Variants in KCNQ1 observed in about 807,000 individuals in gnomAD.
KCNQ1 encodes potassium voltage-gated channel subfamily KQT member 1.
KCNQ1 carries 49 observed loss-of-function variants against 72.4 expected under a neutral mutation model. That is an observed-to-expected ratio of 0.68 (90% CI 0.54 to 0.86). The LOEUF (loss-of-function observed/expected upper bound fraction) is 0.86, where lower values mean the gene tolerates loss of function less well. KCNQ1 is among the 40% of genes least tolerant of loss of function. The pLI is 0.00. For synonymous variants in KCNQ1, 450 were observed against 412.6 expected, an observed-to-expected ratio of 1.09 and a Z score of -1.10; for missense variants, 790 against 945.1, an observed-to-expected ratio of 0.84 and a Z score of 2.15.
Position 2,653,175 on chromosome 11 carries a change from T to C in KCNQ1, c.1394-8786T>C, listed in dbSNP as rs948917321. Reference sequence around the variant, plus strand: ...AATGTCCCACCTTAGGAAATCCCTTTCCAAGAGTTCCCTGTGCTGTTGCAG... The same window carrying C: ...AATGTCCCACCTTAGGAAATCCCTTCCCAAGAGTTCCCTGTGCTGTTGCAG... On this transcript the variant is annotated intron_variant, in intron 10 of 15. Transcript: ENST00000155840. The surrounding 1 kb of genome is among the most constrained non-coding windows in gnomAD (Gnocchi z 5.3). The C allele has an allele frequency of 2.8e-5, 11 of 398,608 alleles. No homozygotes were observed. The highest frequency in any genetic ancestry group is 4.4e-5 in the Non-Finnish European group (10 of 226,116). 24.7% of individuals were successfully genotyped at this position (398,608 alleles called of 1,614,324 possible). A position where few individuals can be genotyped will look rare whatever the true frequency, so the allele number is the denominator to read the frequency against.
Position 2,562,990 on chromosome 11 carries a change from C to T in KCNQ1, c.478-7638C>T, listed in dbSNP as rs544578622. Among the ~76,000 whole-genome samples the T allele has an allele frequency of 4.4e-4, 67 of 152,202 alleles. No individual in the cohort carries two copies. Among genetic ancestry groups the T allele is most frequent in the East Asian group, 1.3e-3 (7 of 5,186 alleles). On this transcript the variant is annotated intron_variant, in intron 2 of 15. Coordinates refer to ENST00000155840, the MANE Select transcript of KCNQ1 (RefSeq NM_000218.3). The surrounding 1 kb of genome is among the most constrained non-coding windows in gnomAD (Gnocchi z 7.5). The stretch of plus-strand genomic sequence containing the variant: ...CTAAAGTCCTCGCGATAAGGGTCTG[C>T]GAGGCTTCCTTTATGTTTTGCAAAA...
chr11:2,698,698 C>T lies in KCNQ1; in HGVS notation c.1514+36617C>T, dbSNP rs1366232018. ...TTCAGAACCTCTACCCAAAGACAGA[C>T]TCCAGACCCTGACTCCAGTCGCCAA... On this transcript the variant is annotated intron_variant, in intron 11 of 15. Transcript: ENST00000155840. The surrounding 1 kb of genome is among the most constrained non-coding windows in gnomAD (Gnocchi z 5.1). The T allele has an allele frequency of 2.5e-6, 1 of 398,914 alleles. No individual in the cohort carries two copies. Among genetic ancestry groups the T allele is most frequent in the Non-Finnish European group, 4.4e-6 (1 of 226,254 alleles). 24.7% of individuals were successfully genotyped at this position (398,914 alleles called of 1,614,324 possible). A position where few individuals can be genotyped will look rare whatever the true frequency, so the allele number is the denominator to read the frequency against.
intron 11 of KCNQ1, chr11:2,689,877 C>T: frequency 5.0e-6 from 2 of 398,816 alleles, no homozygotes; most frequent in Non-Finnish European, 8.8e-6. Context: ...GCCTATCCAG[C>T]CCCATCCCTG....
chr11:2,576,641 A>T (rs1848427333), intron 6 of KCNQ1, among the ~76,000 whole-genome samples: 2 of 152,136 alleles, frequency 1.3e-5, no homozygotes, highest in South Asian at 4.1e-4. Flanking sequence ...CTCTCTCCTC[A>T]CCTGGAGCCT....
intron 15 of KCNQ1, among the ~76,000 whole-genome samples, chr11:2,834,307 G>A (rs1848017677): frequency 6.6e-6 from 1 of 152,174 alleles, no homozygotes; most frequent in African/African-American, 2.4e-5. Context: ...ATCATGGAGG[G>A]CGCCCAGGTG....
intron 11 of KCNQ1, among the ~76,000 whole-genome samples, chr11:2,709,689 C>T (rs1850973760): frequency 6.6e-6 from 1 of 152,090 alleles, no homozygotes; most frequent in South Asian, 2.1e-4. Context: ...CTTTCTATCT[C>T]CACGGGTTTG....
chr11:2,814,578 T>C (rs890889669), intron 15 of KCNQ1, among the ~76,000 whole-genome samples: 5 of 149,428 alleles, frequency 3.3e-5, no homozygotes, highest in African/African-American at 1.2e-4. Context: ...GATGGGTAGA[T>C]TGAGAAATGA....
rs1186855372 is a variant in KCNQ1 at position 2,720,957 on chromosome 11, A to G, written c.1515-47887A>G. Among the ~76,000 whole-genome samples, 1 of 152,142 alleles carries G rather than the reference A, an allele frequency of 6.6e-6. No individual in the cohort carries two copies. The highest frequency in any genetic ancestry group is 1.5e-5 in the Non-Finnish European group (1 of 68,018). Reference sequence around the variant, plus strand: ...GGGTTTCCTCATCCCAGGGGCTCTCAGATTTCCAGGGACTCGGGCAGGCAC... The same window carrying G: ...GGGTTTCCTCATCCCAGGGGCTCTCGGATTTCCAGGGACTCGGGCAGGCAC... On this transcript the variant is annotated intron_variant, in intron 11 of 15. Coordinates refer to ENST00000155840, the MANE Select transcript of KCNQ1 (RefSeq NM_000218.3). This position sits in a 1 kb window ranked among gnomAD's most constrained non-coding sequence, Gnocchi z 5.1.
rs794728527 is a variant in KCNQ1 at position 2,588,844 on chromosome 11, T to C, written c.1383T>C (p.Tyr461=). ...TGGACCACTTCTCTGTCGACGGCTA[T>C]GACAGTTCTGGTGAGAACCCCTCAG... ...RRLDHFSVDG[Y]DSSVRKSPTL... The change falls in exon 10 of 16, where the codon TAT becomes TAC. Residue 461 remains tyrosine, a synonymous_variant. Coordinates refer to ENST00000155840, the MANE Select transcript of KCNQ1 (RefSeq NM_000218.3). The surrounding 1 kb of genome is among the most constrained non-coding windows in gnomAD (Gnocchi z 5.6). 5.6e-6 allele frequency: 9 copies of C among 1,611,980 alleles called. No individual in the cohort carries two copies. In the African/African-American group the frequency reaches 9.4e-5, roughly 17 times the overall value.
chr11:2,830,941 C>T lies in KCNQ1; in HGVS notation c.1795-16826C>T, dbSNP rs1322310618. 6.6e-6 allele frequency among the ~76,000 whole-genome samples: 1 copy of T among 152,210 alleles called. No individual in the cohort carries two copies. The highest frequency in any genetic ancestry group is 1.5e-5 in the Non-Finnish European group (1 of 68,038). On this transcript the variant is annotated intron_variant, in intron 15 of 15. Transcript: ENST00000155840. The surrounding 1 kb of genome is among the most constrained non-coding windows in gnomAD (Gnocchi z 7.7). The stretch of plus-strand genomic sequence containing the variant: ...AAACCGCAAGGGTACCCTTGGGAGA[C>T]CCCGTGCAGGTCTTGTCAAGGCAGG...
chr11:2,571,650 CTG>C (rs1425763290), intron 4 of KCNQ1, among the ~76,000 whole-genome samples: 1 of 152,112 alleles, frequency 6.6e-6, no homozygotes, highest in Non-Finnish European at 1.5e-5. Flanking sequence ...ACTAGCGCCT[CTG>C]AACTTCCAGG....
chr11:2,804,866 C>T (rs535921160), intron 15 of KCNQ1, among the ~76,000 whole-genome samples: 1 of 152,320 alleles, frequency 6.6e-6, no homozygotes, highest in African/African-American at 2.4e-5. Context: ...GAGGCACGGG[C>T]CCACAGTTGC....
At chr11:2,806,641 C>T (rs1847379427) in intron 15 of KCNQ1, among the ~76,000 whole-genome samples, 1 of 152,216 alleles carries the variant, frequency 6.6e-6, no homozygotes, top group East Asian at 1.9e-4. Context: ...TGCTCAGCCC[C>T]CAGCTCCATC....
chr11:2,624,971 G>T lies in KCNQ1; in HGVS notation c.1393+36117G>T. 2.5e-6 allele frequency: 1 copy of T among 398,252 alleles called. No individual in the cohort carries two copies. The highest frequency in any genetic ancestry group is 4.4e-6 in the Non-Finnish European group (1 of 226,016). 24.7% of individuals were successfully genotyped at this position (398,252 alleles called of 1,614,324 possible). On this transcript the variant is annotated intron_variant, in intron 10 of 15. Transcript: ENST00000155840. This position sits in a 1 kb window ranked among gnomAD's most constrained non-coding sequence, Gnocchi z 4.9. ...ACATTGTATGTATATACCACATTTT[G>T]CTTATCCATTCTTCCATGGACATTT... is the stretch of plus-strand genomic sequence containing the variant.
rs537310078 is a variant in KCNQ1 at position 2,543,614 on chromosome 11, A to C, written c.477+15596A>C. Among the ~76,000 whole-genome samples the C allele has an allele frequency of 6.6e-6, 1 of 152,304 alleles. No individual in the cohort carries two copies. The highest frequency in any genetic ancestry group is 2.4e-5 in the African/African-American group (1 of 41,554). On this transcript the variant is annotated intron_variant, in intron 2 of 15. Transcript: ENST00000155840. This position sits in a 1 kb window ranked among gnomAD's most constrained non-coding sequence, Gnocchi z 5.6. The stretch of plus-strand genomic sequence containing the variant: ...AAGACCAAACATTTTCAATTTTATG[A>C]AGTCAAATATAGCTTTTTCCTTTTA...
At position 2,520,144 on chromosome 11, in the gene KCNQ1, G is replaced by T. The variant is rs573874488; in HGVS notation, c.387-7784G>T. Among the ~76,000 whole-genome samples the T allele has an allele frequency of 7.9e-5, 12 of 152,310 alleles. No individual in the cohort carries two copies. In the South Asian group the frequency reaches 2.5e-3, roughly 32 times the overall value. On this transcript the variant is annotated intron_variant, in intron 1 of 15. Coordinates refer to ENST00000155840, the MANE Select transcript of KCNQ1 (RefSeq NM_000218.3). ...GGGGCCCCTGGAGTCGGCCAGTCTGGGCACGTCCCATGCTGTGTCTGAGCC... is the reference window on the plus strand; with the variant it reads ...GGGGCCCCTGGAGTCGGCCAGTCTGTGCACGTCCCATGCTGTGTCTGAGCC...
Position 2,475,653 on chromosome 11 carries a change from C to G in KCNQ1, c.386+30169C>G, listed in dbSNP as rs993800912. 1.3e-5 allele frequency among the ~76,000 whole-genome samples: 2 copies of G among 152,154 alleles called. No homozygotes were observed. Among genetic ancestry groups the G allele is most frequent in the Non-Finnish European group, 2.9e-5 (2 of 68,036 alleles). On this transcript the variant is annotated intron_variant, in intron 1 of 15. Coordinates refer to ENST00000155840, the MANE Select transcript of KCNQ1 (RefSeq NM_000218.3). The surrounding 1 kb of genome is among the most constrained non-coding windows in gnomAD (Gnocchi z 5.8). ...GCTGTAACTTTCATGAAGACAGTGACGTGGTTTGTCACTGCCCGGATCTCA... is the reference window on the plus strand; with the variant it reads ...GCTGTAACTTTCATGAAGACAGTGAGGTGGTTTGTCACTGCCCGGATCTCA...
chr11:2,614,878 T>A (rs1849036689), intron 10 of KCNQ1: 1 of 398,158 alleles, frequency 2.5e-6, no homozygotes, highest in Non-Finnish European at 4.4e-6. Context: ...TTTGGGGCCC[T>A]GGGAAAATTC....
chr11:2,805,772 C>G (rs920452224), intron 15 of KCNQ1, among the ~76,000 whole-genome samples: 1 of 152,130 alleles, frequency 6.6e-6, no homozygotes, highest in African/African-American at 2.4e-5. Context: ...CTGGGGAAGC[C>G]GAGGAGAAAT....
Sources: allele counts gnomAD v4.1 joint callset (sites outside exome capture counted in the v4.1 genomes callset), GRCh38; gene constraint gnomAD v4.1.1; non-coding constraint Gnocchi (gnomAD v3.1); transcripts MANE v1.5; gene names NCBI Gene and HGNC (gene_info 2026-07-23, HGNC 2026-07-21).